The following SCMH1 variants were observed in gnomAD, a reference collection of about 807,000 sequenced individuals.
The protein encoded by SCMH1 is Scm polycomb group protein homolog 1, also known as polycomb protein SCMH1.
Under a neutral mutation model 70.8 loss-of-function variants are expected in SCMH1, and 37 were observed. The observed-to-expected ratio is 0.52, with a 90% CI of 0.40 to 0.69. SCMH1 has a LOEUF of 0.69. Ranked by LOEUF, SCMH1 falls within the 30% of genes least tolerant of loss-of-function variation. SCMH1 has a pLI of 0.00. For missense variants in SCMH1, 607 were observed against 827.3 expected (o/e 0.73, Z 3.27); for synonymous variants, 292 against 307.4 (o/e 0.95, Z 0.52).
At chr1:41,117,990 T>A (rs1670970324) in intron 6 of SCMH1, among the ~76,000 whole-genome samples, 1 of 152,110 alleles carries the variant, frequency 6.6e-6, no homozygotes, top group African/African-American at 2.4e-5. Flanking sequence ...TATCTCTTCG[T>A]CTTGTGTCTT....
At chr1:41,127,173 C>G (rs1673401305) in intron 6 of SCMH1, among the ~76,000 whole-genome samples, 4 of 151,968 alleles carry the variant, frequency 2.6e-5, no homozygotes, top group Non-Finnish European at 5.9e-5. Flanking sequence ...ACTGTTCATG[C>G]CTTAAGATCA....
chr1:41,216,845 T>C (rs569513007), intron 1 of SCMH1, among the ~76,000 whole-genome samples: 3 of 152,262 alleles, frequency 2.0e-5, no homozygotes, highest in African/African-American at 7.2e-5. Flanking sequence ...AAACTGAGTA[T>C]CTTAAAACAA....
chr1:41,227,043 T>C (rs1262929056), intron 1 of SCMH1, among the ~76,000 whole-genome samples: 1 of 152,174 alleles, frequency 6.6e-6, no homozygotes, highest in Non-Finnish European at 1.5e-5. Flanking sequence ...CCACCAACAC[T>C]CTCACCACGG....
chr1:41,030,343 A>G (rs778864313), intron 13 of SCMH1, among the ~76,000 whole-genome samples: 1 of 152,334 alleles, frequency 6.6e-6, no homozygotes, highest in Non-Finnish European at 1.5e-5. Flanking sequence ...GCCAGCATCT[A>G]TGAGGTACTC....
At chr1:41,181,792 G>A (rs562598641) in intron 2 of SCMH1, among the ~76,000 whole-genome samples, 121 of 152,264 alleles carry the variant, frequency 7.9e-4, no homozygotes, top group Non-Finnish European at 6.9e-4. Context: ...TCAGTGTGGC[G>A]ATTCCTCAGG....
chr1:41,195,562 C>T (rs1652838866), intron 1 of SCMH1, among the ~76,000 whole-genome samples: 1 of 152,040 alleles, frequency 6.6e-6, no homozygotes, highest in African/African-American at 2.4e-5. Context: ...AAGGGAACTT[C>T]TTCAACATAA....
At chr1:41,180,149 T>C (rs961434341) in intron 2 of SCMH1, among the ~76,000 whole-genome samples, 2 of 152,174 alleles carry the variant, frequency 1.3e-5, no homozygotes, top group Admixed American at 6.5e-5. Context: ...AAAAGGCCTT[T>C]GACAAAATTC....
intron 6 of SCMH1, among the ~76,000 whole-genome samples, chr1:41,139,680 CAG>C (rs1446053185): frequency 1.3e-5 from 2 of 151,948 alleles, no homozygotes; most frequent in African/African-American, 4.8e-5. Flanking sequence ...TGAAAAAAGG[CAG>C]GGGATAGATA....
At chr1:41,209,269 T>C (rs1001401704) in intron 1 of SCMH1, among the ~76,000 whole-genome samples, 2 of 152,114 alleles carry the variant, frequency 1.3e-5, no homozygotes, top group Non-Finnish European at 2.9e-5. Context: ...GGATTCACAG[T>C]TGAACTCTAC....
intron 2 of SCMH1, among the ~76,000 whole-genome samples, chr1:41,167,228 T>C (rs1217416733): frequency 6.6e-6 from 1 of 152,152 alleles, no homozygotes; most frequent in East Asian, 1.9e-4. Flanking sequence ...ATATGGTTTC[T>C]TAGTATTTTG....
chr1:41,115,528 C>T (rs921367120), intron 7 of SCMH1, among the ~76,000 whole-genome samples: 1 of 152,178 alleles, frequency 6.6e-6, no homozygotes, highest in African/African-American at 2.4e-5. Flanking sequence ...GCCTCAATCT[C>T]CTGGGCTTAA....
chr1:41,114,984 T>C (rs565363075), intron 7 of SCMH1, among the ~76,000 whole-genome samples: 2 of 152,180 alleles, frequency 1.3e-5, no homozygotes, highest in Non-Finnish European at 2.9e-5. Flanking sequence ...CTGGCCAAGA[T>C]TTCTTTAATG....
intron 13 of SCMH1, among the ~76,000 whole-genome samples, chr1:41,033,012 C>T (rs1265469451): frequency 1.3e-5 from 2 of 150,634 alleles, no homozygotes; most frequent in African/African-American, 4.9e-5. Flanking sequence ...GGCTATTAGG[C>T]CAGGCACAGT....
At chr1:41,070,210 T>C (rs890983765) in intron 10 of SCMH1, among the ~76,000 whole-genome samples, 2 of 150,642 alleles carry the variant, frequency 1.3e-5, no homozygotes, top group Non-Finnish European at 3.0e-5. Flanking sequence ...TTTGTCACCA[T>C]CAATGATTGT....
intron 10 of SCMH1, among the ~76,000 whole-genome samples, chr1:41,069,312 T>C (rs1420675463): frequency 6.6e-6 from 1 of 152,140 alleles, no homozygotes; most frequent in Non-Finnish European, 1.5e-5. Context: ...CTAGAGTGGG[T>C]AGTCATTAGA....
intron 1 of SCMH1, among the ~76,000 whole-genome samples, chr1:41,197,565 G>A (rs1285964485): frequency 6.6e-6 from 1 of 151,972 alleles, no homozygotes; most frequent in African/African-American, 2.4e-5. Flanking sequence ...TATTTAATGC[G>A]TACAGAATTT....
chr1:41,152,530 G>T (rs1331489014), intron 4 of SCMH1: 5 of 1,513,454 alleles, frequency 3.3e-6, no homozygotes, highest in Non-Finnish European at 3.7e-6. Flanking sequence ...GACCTCATTG[G>T]ATCACTAAAG....
chr1:41,040,337 C>T (rs1645961449), intron 12 of SCMH1, among the ~76,000 whole-genome samples: 1 of 151,988 alleles, frequency 6.6e-6, no homozygotes, highest in African/African-American at 2.4e-5. Flanking sequence ...GCAAAGCTGA[C>T]CTTAAAAATT....
intron 8 of SCMH1, among the ~76,000 whole-genome samples, chr1:41,085,121 TATA>T (rs764864263): frequency 1.3e-4 from 20 of 150,062 alleles, no homozygotes; most frequent in Non-Finnish European, 2.8e-4. Context: ...AAACTTAAAG[TATA>T]ATAATAATAA....
Sources: gnomAD v4.1 joint callset for allele counts (sites outside exome capture counted in the v4.1 genomes callset) on GRCh38, gnomAD v4.1.1 for gene constraint, MANE v1.5 for transcripts, NCBI Gene and HGNC (gene_info 2026-07-23, HGNC 2026-07-21) for gene names.